Variants in TMEM232 observed in about 807,000 individuals in gnomAD.
TMEM232 encodes transmembrane protein 232.
Under a neutral mutation model 78.8 loss-of-function variants are expected in TMEM232, and 80 were observed. That is an observed-to-expected ratio of 1.01 (90% confidence interval 0.85 to 1.22). The LOEUF (loss-of-function observed/expected upper bound fraction) is 1.22. Ranked by LOEUF, TMEM232 falls within the 50% of genes most tolerant of loss-of-function variation. The probability of loss-of-function intolerance (pLI) is 0.00; values close to 1 mark genes in which losing one functional copy is unlikely to be tolerated. For synonymous variants in TMEM232, 297 were observed against 254.3 expected, an observed-to-expected ratio of 1.17 and a Z score of -1.60; for missense variants, 881 against 742.2, an observed-to-expected ratio of 1.19 and a Z score of -2.17.
At chr5:110,471,991 A>G (rs1762742055) in intron 12 of TMEM232, among the ~76,000 whole-genome samples, 1 of 152,062 alleles carries the variant, frequency 6.6e-6, no homozygotes, top group Non-Finnish European at 1.5e-5. Context: ...GGAAACCTAG[A>G]AGAAAGAGAT....
In TMEM232 at chr5:110,737,208, G is replaced by A. The variant is rs557792896; in HGVS notation, c.-126+785C>T. Among the ~76,000 whole-genome samples, 5 of 152,048 alleles carry A rather than the reference G, an allele frequency of 3.3e-5. No individual in the cohort carries two copies. The South Asian group carries it at 1.0e-3, about 32-fold the overall frequency. On this transcript the variant is annotated intron_variant, in intron 1 of 4. Coordinates refer to the TMEM232 transcript ENST00000512886. ...TATTGCTTAAAATAGTATCTGACAC[G>A]AGATAGGTGCTTAATAAATATATTT...
chr5:110,457,239 T>A (rs1019087245), intron 12 of TMEM232, among the ~76,000 whole-genome samples: 12 of 152,056 alleles, frequency 7.9e-5, no homozygotes, highest in Non-Finnish European at 1.5e-4. Flanking sequence ...TGAATAAAGA[T>A]GTATGGATGC....
chr5:110,689,883 G>A (rs564880801), intron 1 of TMEM232, among the ~76,000 whole-genome samples: 15 of 152,164 alleles, frequency 9.9e-5, no homozygotes, highest in Non-Finnish European at 1.3e-4. Context: ...CAAACAATGG[G>A]GAAAGGATTC....
intron 10 of TMEM232, among the ~76,000 whole-genome samples, chr5:110,591,764 G>T (rs970535063): frequency 6.6e-6 from 1 of 152,082 alleles, no homozygotes; most frequent in African/African-American, 2.4e-5. Context: ...TTTGACTCCA[G>T]ATCTGGGTTT....
chr5:110,534,406 C>T (rs1162263565), intron 11 of TMEM232, among the ~76,000 whole-genome samples: 1 of 152,202 alleles, frequency 6.6e-6, no homozygotes, highest in Non-Finnish European at 1.5e-5. Flanking sequence ...AAAGACTAGA[C>T]AATACTTTTA....
intron 12 of TMEM232, among the ~76,000 whole-genome samples, chr5:110,500,657 G>A (rs1766164104): frequency 6.6e-6 from 1 of 151,910 alleles, no homozygotes. Context: ...CAAACTAAAT[G>A]GAAGGAAAAA....
upstream of TMEM232, among the ~76,000 whole-genome samples, chr5:110,730,099 A>T (rs1032077179): frequency 6.6e-6 from 1 of 152,244 alleles, no homozygotes; most frequent in African/African-American, 2.4e-5. Context: ...TAAGTTACAC[A>T]ATTTAAAATA....
At chr5:110,608,602 A>T (rs1781793874) in intron 8 of TMEM232, among the ~76,000 whole-genome samples, 1 of 152,058 alleles carries the variant, frequency 6.6e-6, no homozygotes, top group Admixed American at 6.6e-5. Context: ...CTATGGATTG[A>T]AAAAGATCCA....
intron 10 of TMEM232, among the ~76,000 whole-genome samples, chr5:110,571,335 G>A (rs1019467538): frequency 1.3e-5 from 2 of 152,010 alleles, no homozygotes; most frequent in Admixed American, 6.6e-5. Flanking sequence ...GAACAACTAA[G>A]TCCCTTTGCC....
chr5:110,540,170 G>C (rs1369566332), intron 11 of TMEM232, among the ~76,000 whole-genome samples: 1 of 152,216 alleles, frequency 6.6e-6, no homozygotes, highest in Non-Finnish European at 1.5e-5. Flanking sequence ...GAAAGGCATA[G>C]CTGTAGTAGT....
At chr5:110,520,349 A>G (rs1169196332) in intron 12 of TMEM232, among the ~76,000 whole-genome samples, 1 of 152,106 alleles carries the variant, frequency 6.6e-6, no homozygotes, top group East Asian at 1.9e-4. Flanking sequence ...CCATAGCTTC[A>G]AAGAGTAGAT....
At chr5:110,488,844 A>G (rs1474881023) in intron 12 of TMEM232, among the ~76,000 whole-genome samples, 1 of 152,000 alleles carries the variant, frequency 6.6e-6, no homozygotes, top group Admixed American at 6.6e-5. Flanking sequence ...TAGAAGTTTC[A>G]AAATTTTTAA....
At chr5:110,728,482 GAAATAATTTT>G (rs1403134198), upstream of TMEM232, among the ~76,000 whole-genome samples, 6 of 151,576 alleles carry the variant, frequency 4.0e-5, no homozygotes, top group Non-Finnish European at 7.4e-5. Context: ...CTTAAAACAG[GAAATAATTTT>G]AAATAATTTT....
chr5:110,569,770 T>C (rs1776736741), intron 10 of TMEM232, among the ~76,000 whole-genome samples: 1 of 151,950 alleles, frequency 6.6e-6, no homozygotes, highest in East Asian at 1.9e-4. Context: ...GGTCCAATTT[T>C]AGTTCTCACT....
In TMEM232 at chr5:110,502,660, C is replaced by T. The variant is rs374361116; in HGVS notation, c.1703+25928G>A. Among the ~76,000 whole-genome samples, 23 of 152,248 alleles carry T rather than the reference C, an allele frequency of 1.5e-4. No homozygotes were observed. In the East Asian group the frequency reaches 2.7e-3, roughly 18 times the overall value. On this transcript the variant is annotated intron_variant, in intron 12 of 13. Transcript: ENST00000455884. ...CCCTACATGGTCTGGCTTCAATATG[C>T]GAACCTCACCTCCTTCCACTTTCCC...
At chr5:110,715,570 A>G (rs1054340778) in intron 1 of TMEM232, among the ~76,000 whole-genome samples, 1 of 152,198 alleles carries the variant, frequency 6.6e-6, no homozygotes, top group Admixed American at 6.5e-5. Flanking sequence ...TTCTGCTGAC[A>G]ATTACATTAA....
At chr5:110,402,059 C>T (rs1018676500) in intron 2 of TMEM232, among the ~76,000 whole-genome samples, 26 of 151,812 alleles carry the variant, frequency 1.7e-4, no homozygotes, top group African/African-American at 5.8e-4. Context: ...AGGTGGAAAC[C>T]GAAAGGAGAA....
In TMEM232 at chr5:110,696,441, A is replaced by G. The variant is rs529073562; in HGVS notation, c.-12-29077T>C. Among the ~76,000 whole-genome samples, 9 of 152,322 alleles carry G rather than the reference A, an allele frequency of 5.9e-5. No homozygotes were observed. The South Asian group carries it at 1.9e-3, about 32-fold the overall frequency. On this transcript the variant is annotated intron_variant, in intron 1 of 13. Transcript: ENST00000455884. ...CACTCCTATTCAACATAGTGTTGGA[A>G]GTTCAGGCCAGGGCAATTAGGCAGG...
rs188930415 is a variant in TMEM232 at position 110,407,414 on chromosome 5, T to G, written n.309-9560A>C. Reference sequence around the variant, plus strand: ...CATATATATAAACAGATTACAAATCTATGATTATAAAGAGACAAATTTACT... The same window carrying G: ...CATATATATAAACAGATTACAAATCGATGATTATAAAGAGACAAATTTACT... On this transcript the variant is annotated intron_variant and non_coding_transcript_variant, in intron 2 of 8. Transcript: ENST00000507188. 2.6e-5 allele frequency among the ~76,000 whole-genome samples: 4 copies of G among 152,258 alleles called. 1 individual carries two copies. The East Asian group carries it at 7.7e-4, about 29-fold the overall frequency.
Sources: gnomAD v4.1 joint callset for allele counts (sites outside exome capture counted in the v4.1 genomes callset) on GRCh38, gnomAD v4.1.1 for gene constraint, MANE v1.5 for transcripts, NCBI Gene and HGNC (gene_info 2026-07-23, HGNC 2026-07-21) for gene names.